BRCC3: variants seen among roughly 807,000 people sequenced by gnomAD.
The protein encoded by BRCC3 is lys-63-specific deubiquitinase BRCC36.
A neutral mutation model predicts 28.0 loss-of-function variants in BRCC3; 15 were observed. The ratio of observed to expected loss-of-function variants is 0.54; its 90% confidence interval spans 0.36 to 0.82. BRCC3 has a LOEUF of 0.82. Ranked by LOEUF, BRCC3 falls within the 40% of genes least tolerant of loss-of-function variation. BRCC3 has a pLI of 0.01. For synonymous variants in BRCC3, 66 were observed against 80.3 expected (o/e 0.82, Z 0.95); for missense variants, 109 against 225.9 (o/e 0.48, Z 3.32).
intron 3 of BRCC3, among the ~76,000 whole-genome samples, chrX:155,073,641 G>A (rs1557292961): frequency 9.0e-6 from 1 of 111,523 alleles, no homozygotes; most frequent in Admixed American, 9.5e-5. Context: ...AATAATCACT[G>A]TCAGTACCAC....
chrX:155,115,757 CCT>C (rs782491980), intron 7 of BRCC3, among the ~76,000 whole-genome samples: 1 of 111,948 alleles, frequency 8.9e-6, no homozygotes, highest in East Asian at 2.8e-4. Flanking sequence ...AGCTATTTCC[CCT>C]GACTGGGGAG....
intron 5 of BRCC3, among the ~76,000 whole-genome samples, chrX:155,082,090 A>G (rs1246447108): frequency 8.9e-6 from 1 of 112,176 alleles, no homozygotes; most frequent in African/African-American, 3.2e-5. Flanking sequence ...AGACTTGAAC[A>G]AAAACTAACA....
At chrX:155,079,469 A>G (rs2074069784) in intron 5 of BRCC3, among the ~76,000 whole-genome samples, 1 of 111,856 alleles carries the variant, frequency 8.9e-6, no homozygotes, top group African/African-American at 3.3e-5. Flanking sequence ...AATGGCAAAA[A>G]GTCATCAGTG....
chrX:155,077,942 A>G (rs1335366853), intron 4 of BRCC3, among the ~76,000 whole-genome samples: 3 of 112,182 alleles, frequency 2.7e-5, no homozygotes, highest in Non-Finnish European at 5.6e-5. Context: ...GGGACCCTCA[A>G]GTGCAGATAT....
chrX:155,094,647 G>A (rs1471992095), intron 7 of BRCC3, among the ~76,000 whole-genome samples: 1 of 111,577 alleles, frequency 9.0e-6, no homozygotes, highest in Non-Finnish European at 1.9e-5. Context: ...ATAGACCACC[G>A]CATAGATCCT....
chrX:155,088,290 T>A (rs2074148046), intron 5 of BRCC3, among the ~76,000 whole-genome samples: 1 of 111,773 alleles, frequency 8.9e-6, no homozygotes, highest in Admixed American at 9.4e-5. Flanking sequence ...TGACACCTGA[T>A]CTTTTGTATC....
At position 155,076,937 on chromosome X, in the gene BRCC3, G is replaced by C. The variant is rs372257099; in HGVS notation, c.196-233G>C. On this transcript the variant is annotated intron_variant, in intron 3 of 10. Transcript: ENST00000330045. ...TAATTACTAGTTGATCATCCTAAAA[G>C]TCCTTCCTTGATTTAAATATTAGCA... Among the ~76,000 whole-genome samples the C allele has an allele frequency of 6.6e-4, 74 of 111,823 alleles. 1 individual carries two copies. The South Asian group carries it at 0.024, about 37-fold the overall frequency.
chrX:155,095,449 C>T (rs2074203658), intron 7 of BRCC3, among the ~76,000 whole-genome samples: 1 of 110,460 alleles, frequency 9.1e-6, no homozygotes, highest in African/African-American at 3.3e-5. Context: ...TACAGGCGTG[C>T]ACCACCATGC....
intron 7 of BRCC3, among the ~76,000 whole-genome samples, chrX:155,114,551 G>T (rs1332211278): frequency 9.2e-6 from 1 of 109,174 alleles, no homozygotes; most frequent in Non-Finnish European, 1.9e-5. Context: ...CACTTAAAAT[G>T]GTTGATAGTA....
chrX:155,118,457 G>T (rs2074370919), intron 9 of BRCC3, among the ~76,000 whole-genome samples: 1 of 111,706 alleles, frequency 9.0e-6, no homozygotes. Flanking sequence ...TGGTGGAAAT[G>T]GTATGTATCT....
chrX:155,107,331 TA>T (rs34475140), intron 7 of BRCC3, among the ~76,000 whole-genome samples: 1,415 of 110,383 alleles, frequency 0.013, 27 homozygotes, highest in African/African-American at 0.042. Context: ...TTTTTTTTTT[TA>T]AAAGTTCTTT....
chrX:155,101,298 A>T (rs1557296871), intron 7 of BRCC3, among the ~76,000 whole-genome samples: 1 of 111,579 alleles, frequency 9.0e-6, no homozygotes, highest in African/African-American at 3.3e-5. Context: ...GCACCCTTTT[A>T]TATCAGGGAC....
At chrX:155,091,483 G>A (rs980319676) in intron 7 of BRCC3, among the ~76,000 whole-genome samples, 2 of 110,398 alleles carry the variant, frequency 1.8e-5, no homozygotes, top group African/African-American at 6.6e-5. Context: ...TGTTGGCCAG[G>A]ATGGTCTCAA....
At position 155,120,100 on chromosome X, in the gene BRCC3, T is replaced by C. The variant is rs1557299249; in HGVS notation, c.826T>C (p.Leu276=). The C allele has an allele frequency of 2.5e-6, 3 of 1,209,312 alleles. No individual in the cohort carries two copies. Among genetic ancestry groups the C allele is most frequent in the Non-Finnish European group, 3.4e-6 (3 of 893,345 alleles). Reference sequence around the variant, plus strand: ...GCAAAACCAACAGCATTTGCAGGAATTACAACAAGAAAAGGAAGAGCTTAT... The same window carrying C: ...GCAAAACCAACAGCATTTGCAGGAACTACAACAAGAAAAGGAAGAGCTTAT... The part of the protein sequence containing the change: ...LEQNQQHLQE[L]QQEKEELMQE... The change falls in exon 10 of 11, where the codon TTA becomes CTA. Residue 276 remains leucine, a synonymous_variant. Transcript: ENST00000330045.
intron 5 of BRCC3, among the ~76,000 whole-genome samples, chrX:155,080,443 A>T (rs1352485654): frequency 2.3e-5 from 2 of 86,851 alleles, no homozygotes; most frequent in Non-Finnish European, 4.5e-5. Context: ...TAGTGGGAAC[A>T]TTTCAATCTT....
chrX:155,106,349 A>C (rs1557297566), intron 7 of BRCC3, among the ~76,000 whole-genome samples: 1 of 110,889 alleles, frequency 9.0e-6, no homozygotes, highest in Non-Finnish European at 1.9e-5. Context: ...TATCTTCCTG[A>C]ATTCTTTTGT....
intron 7 of BRCC3, among the ~76,000 whole-genome samples, chrX:155,091,628 G>A (rs781903152): frequency 1.7e-4 from 19 of 111,580 alleles, no homozygotes; most frequent in Non-Finnish European, 1.1e-4. Flanking sequence ...TTGTCTAATT[G>A]GGAGATAGAA....
At chrX:155,093,962 C>T (rs1028909139) in intron 7 of BRCC3, among the ~76,000 whole-genome samples, 2 of 111,173 alleles carry the variant, frequency 1.8e-5, no homozygotes, top group African/African-American at 6.5e-5. Context: ...TGGTTACTCC[C>T]ATTTCACAGC....
chrX:155,090,868 T>C, intron 7 of BRCC3, 29 bp downstream of exon 7: 2 of 1,034,805 alleles, frequency 1.9e-6, no homozygotes, highest in Middle Eastern at 2.5e-4. Flanking sequence ...TATGTGTGTA[T>C]TGGAGGGCTA....
Sources: allele counts gnomAD v4.1 joint callset (sites outside exome capture counted in the v4.1 genomes callset), GRCh38; gene constraint gnomAD v4.1.1; transcripts MANE v1.5; gene names NCBI Gene and HGNC (gene_info 2026-07-23, HGNC 2026-07-21).